MERTK: variants seen among roughly 807,000 people sequenced by gnomAD.
MERTK encodes the protein tyrosine-protein kinase Mer.
A neutral mutation model predicts 99.3 loss-of-function variants in MERTK; 69 were observed. The observed-to-expected ratio is 0.70, with a 90% CI of 0.57 to 0.85. The LOEUF is 0.85. Among genes scored for constraint, MERTK ranks in the 40% least tolerant of loss-of-function variants. The pLI is 0.00. For missense variants in MERTK, 1,125 were observed against 1,249.4 expected, an observed-to-expected ratio of 0.90 and a Z score of 1.50; for synonymous variants, 426 against 467.6, an observed-to-expected ratio of 0.91 and a Z score of 1.15.
At chr2:111,962,009 T>C (rs1685260270) in intron 4 of MERTK, among the ~76,000 whole-genome samples, 1 of 152,186 alleles carries the variant, frequency 6.6e-6, no homozygotes, top group South Asian at 2.1e-4. Flanking sequence ...AAGCTTTGAG[T>C]TTAAAAATAT....
rs1353406119 is a variant in MERTK at position 111,982,982 on chromosome 2, G to A, written c.1285G>A (p.Ala429Thr). The change falls in exon 8 of 19, where the codon GCA (alanine) becomes ACA (threonine). Residue 429 changes from alanine (A) to threonine (T), a missense_variant. Transcript: ENST00000295408. ...CCGGATATCCCACGTGTGGCAGAGT[G>A]CAGGGATTTCCGTAAGTCTAAACCC... Reference protein sequence around the residue: ...GYRISHVWQSAGISKELLEEV... With the variant: ...GYRISHVWQSTGISKELLEEV... The A allele has an allele frequency of 2.5e-6, 4 of 1,613,896 alleles. No homozygotes were observed. Among genetic ancestry groups the A allele is most frequent in the Non-Finnish European group, 1.7e-6 (2 of 1,179,964 alleles).
At chr2:111,925,288 A>AT (rs1684536740) in intron 1 of MERTK, among the ~76,000 whole-genome samples, 4 of 37,204 alleles carry the variant, frequency 1.1e-4, no homozygotes, top group South Asian at 9.1e-4. Context: ...ATATATATAT[A>AT]TATATTTTTT....
Position 111,947,408 on chromosome 2 carries a change from ACTAAGCAGC to A in MERTK, c.601_609del (p.Lys201_Pro203del). ...TTTCTCCGCAGGACTTCCTCACTTT[ACTAAGCAGC>A]CTGAGAGCATGAATGTCACCAGAAA... On this transcript the variant is annotated inframe_deletion, in exon 4 of 19. Coordinates refer to ENST00000295408, the MANE Select transcript of MERTK (RefSeq NM_006343.3). 1 of 1,614,004 alleles carries A rather than the reference ACTAAGCAGC, an allele frequency of 6.2e-7. No homozygotes were observed. Among genetic ancestry groups the A allele is most frequent in the South Asian group, 1.1e-5 (1 of 91,074 alleles).
chr2:112,010,840 G>A (rs1191332737), intron 15 of MERTK, among the ~76,000 whole-genome samples: 1 of 152,228 alleles, frequency 6.6e-6, no homozygotes, highest in Non-Finnish European at 1.5e-5. Flanking sequence ...AGCTAAGCAG[G>A]ACGCCCCTTC....
intron 15 of MERTK, chr2:112,013,462 A>G (rs1386279403): frequency 1.9e-5 from 3 of 154,286 alleles, no homozygotes; most frequent in African/African-American, 7.2e-5. Context: ...CAATGCCTAC[A>G]TTTCTCATGG....
intron 1 of MERTK, among the ~76,000 whole-genome samples, chr2:111,927,726 T>C (rs949924310): frequency 3.3e-5 from 5 of 152,330 alleles, no homozygotes; most frequent in Non-Finnish European, 4.4e-5. Flanking sequence ...CTGGGCATCC[T>C]GTGTTATTTG....
chr2:111,924,243 A>AG (rs1353929688), intron 1 of MERTK, among the ~76,000 whole-genome samples: 3 of 152,254 alleles, frequency 2.0e-5, no homozygotes, highest in Non-Finnish European at 4.4e-5. Context: ...TGATCCAGAC[A>AG]GTAATAACTC....
Position 111,994,317 on chromosome 2 carries a change from G to C in MERTK, c.1363G>C (p.Ala455Pro). The change falls in exon 9 of 19, where the codon GCT becomes CCT. Residue 455 changes from alanine (A) to proline (P), a missense_variant. Coordinates refer to ENST00000295408, the MANE Select transcript of MERTK (RefSeq NM_006343.3). ...RARISVQVHNATCTVRIAAVT... is the reference protein window; with the variant it reads ...RARISVQVHNPTCTVRIAAVT... ...TCGGATCTCTGTTCAAGTCCACAAT[G>C]CTACGTGCACAGTGAGGATTGCAGC... 1 of 1,614,192 alleles carries C rather than the reference G, an allele frequency of 6.2e-7. No individual in the cohort carries two copies. Among genetic ancestry groups the C allele is most frequent in the Non-Finnish European group, 8.5e-7 (1 of 1,180,054 alleles).
intron 10 of MERTK, among the ~76,000 whole-genome samples, chr2:111,998,886 G>A (rs753281410): frequency 4.6e-5 from 7 of 152,144 alleles, no homozygotes; most frequent in Non-Finnish European, 1.0e-4. Context: ...TATCTATGTC[G>A]AAGTCAGTTC....
At chr2:112,026,032 C>G (rs1253807386) in intron 18 of MERTK, 2 of 153,214 alleles carry the variant, frequency 1.3e-5, no homozygotes, top group Non-Finnish European at 2.9e-5. Context: ...TAAAAATGAC[C>G]ATTTACAAAA....
At chr2:111,951,548 T>TATATATATATATATATATATAC (rs1491494901) in intron 4 of MERTK, among the ~76,000 whole-genome samples, 6 of 118,910 alleles carry the variant, frequency 5.0e-5, no homozygotes, top group Admixed American at 1.8e-4. Flanking sequence ...TATATATATA[T>TATATATATATATATATATATAC]ACCATAATTT....
chr2:111,981,353 A>G (rs1676367763), intron 7 of MERTK, among the ~76,000 whole-genome samples: 3 of 152,166 alleles, frequency 2.0e-5, no homozygotes, highest in Admixed American at 6.5e-5. Context: ...ATCAATACAC[A>G]TGACCTAATT....
intron 2 of MERTK, among the ~76,000 whole-genome samples, chr2:111,943,029 A>C (rs556916398): frequency 1.3e-5 from 2 of 152,246 alleles, no homozygotes; most frequent in African/African-American, 4.8e-5. Flanking sequence ...TGGGGACCTC[A>C]CTCACTACCA....
At chr2:111,912,374 C>T (rs1414647124) in intron 1 of MERTK, among the ~76,000 whole-genome samples, 2 of 152,090 alleles carry the variant, frequency 1.3e-5, no homozygotes, top group Non-Finnish European at 2.9e-5. Context: ...TTGCCATGAA[C>T]ATTATTCTTT....
At chr2:111,991,389 C>T (rs929793838) in intron 8 of MERTK, among the ~76,000 whole-genome samples, 4 of 151,966 alleles carry the variant, frequency 2.6e-5, no homozygotes, top group Non-Finnish European at 4.4e-5. Context: ...CTACACCCTG[C>T]TAATTTTTGT....
chr2:111,910,386 C>T lies in MERTK; in HGVS notation c.61+11590C>T, dbSNP rs539066294. Among the ~76,000 whole-genome samples, 7 of 151,930 alleles carry T rather than the reference C, an allele frequency of 4.6e-5. No individual in the cohort carries two copies. The East Asian group carries it at 1.2e-3, about 25-fold the overall frequency. ...CTGGGTTCAAGTGATTCTTCTCCCT[C>T]GGCACCCCGAGTAGCTGGGATTACA... On this transcript the variant is annotated intron_variant, in intron 1 of 18. Transcript: ENST00000295408.
intron 8 of MERTK, among the ~76,000 whole-genome samples, chr2:111,988,733 G>C (rs1676545672): frequency 6.6e-6 from 1 of 152,214 alleles, no homozygotes; most frequent in African/African-American, 2.4e-5. Context: ...ATCACCTGAG[G>C]TTAGGAGTTC....
intron 8 of MERTK, among the ~76,000 whole-genome samples, chr2:111,988,761 C>G (rs1676546517): frequency 6.6e-6 from 1 of 152,180 alleles, no homozygotes; most frequent in Non-Finnish European, 1.5e-5. Flanking sequence ...CCAGCCTAGC[C>G]AACATGGTGA....
chr2:111,984,178 G>A (rs1189233472), intron 8 of MERTK, among the ~76,000 whole-genome samples: 1 of 152,016 alleles, frequency 6.6e-6, no homozygotes, highest in Non-Finnish European at 1.5e-5. Context: ...AAGCATTCAG[G>A]CAGAAGAAAA....
Sources: gnomAD v4.1 joint callset for allele counts (sites outside exome capture counted in the v4.1 genomes callset) on GRCh38, gnomAD v4.1.1 for gene constraint, MANE v1.5 for transcripts, NCBI Gene and HGNC (gene_info 2026-07-23, HGNC 2026-07-21) for gene names.